The following CERKL variants were observed in gnomAD, a reference collection of about 807,000 sequenced individuals.
CERKL encodes ceramide kinase-like protein.
In CERKL, 61 loss-of-function variants were observed where a neutral mutation model predicts 63.4. The observed-to-expected ratio is 0.96, with a 90% confidence interval of 0.78 to 1.19. The LOEUF (loss-of-function observed/expected upper bound fraction) is 1.19. Ranked by LOEUF, CERKL falls within the 50% of genes most tolerant of loss-of-function variation. The probability of loss-of-function intolerance (pLI) is 0.00; values close to 1 mark genes in which losing one functional copy is unlikely to be tolerated. For missense variants in CERKL, 675 were observed against 655.5 expected, an observed-to-expected ratio of 1.03 and a Z score of -0.33; for synonymous variants, 250 against 230.5, an observed-to-expected ratio of 1.08 and a Z score of -0.77.
At chr2:181,574,740 G>C (rs143434505) in intron 2 of CERKL, among the ~76,000 whole-genome samples, 1 of 152,146 alleles carries the variant, frequency 6.6e-6, no homozygotes, top group African/African-American at 2.4e-5. Flanking sequence ...TAAACAAGCA[G>C]TTATTAACAT....
intron 2 of CERKL, among the ~76,000 whole-genome samples, chr2:181,584,377 T>C (rs1684669144): frequency 6.6e-6 from 1 of 151,874 alleles, no homozygotes; most frequent in Non-Finnish European, 1.5e-5. Context: ...CTGGATACAG[T>C]GGCATATGCC....
chr2:181,597,817 C>A (rs1226282950), intron 2 of CERKL, among the ~76,000 whole-genome samples: 1 of 152,148 alleles, frequency 6.6e-6, no homozygotes, highest in African/African-American at 2.4e-5. Flanking sequence ...CCTGTTCTGA[C>A]TTTGAAAAGC....
intron 5 of CERKL, among the ~76,000 whole-genome samples, chr2:181,553,613 C>A (rs944016644): frequency 3.3e-5 from 5 of 152,096 alleles, no homozygotes; most frequent in Non-Finnish European, 1.5e-5. Context: ...CTAGAGATGG[C>A]TTTAAAAATT....
rs11687085 is a variant in CERKL, at chr2:181,577,957, G to A, written c.482-4073C>T. ...AGTCCTGGAATCTGAACCTACATCT[G>A]TCTGACATGGCTATACTTTTCACCA... is the stretch of plus-strand genomic sequence containing the variant. On this transcript the variant is annotated intron_variant, in intron 2 of 12. Coordinates refer to ENST00000410087, the MANE Select transcript of CERKL (RefSeq NM_201548.5). 3.9e-3 allele frequency among the ~76,000 whole-genome samples: 594 copies of A among 152,210 alleles called. 3 individuals are homozygous for A. The highest frequency in any genetic ancestry group is 5.5e-3 in the Non-Finnish European group (374 of 68,012).
At chr2:181,562,893 C>G (rs1029275550) in intron 4 of CERKL, among the ~76,000 whole-genome samples, 1 of 151,864 alleles carries the variant, frequency 6.6e-6, no homozygotes, top group African/African-American at 2.4e-5. Flanking sequence ...TATGTTCAAT[C>G]TGATAAAATG....
At chr2:181,572,285 A>C (rs1688935897) in intron 3 of CERKL, among the ~76,000 whole-genome samples, 1 of 152,200 alleles carries the variant, frequency 6.6e-6, no homozygotes. Context: ...CCCAGTTATA[A>C]TGGTTTTAAG....
chr2:181,582,622 G>A (rs747905686), intron 2 of CERKL, among the ~76,000 whole-genome samples: 122 of 150,074 alleles, frequency 8.1e-4, no homozygotes, highest in Non-Finnish European at 1.4e-3. Context: ...TCCAACCTCC[G>A]CCCCCTGGGT....
intron 1 of CERKL, among the ~76,000 whole-genome samples, chr2:181,625,824 A>G (rs1686675279): frequency 6.6e-6 from 1 of 152,244 alleles, no homozygotes; most frequent in Non-Finnish European, 1.5e-5. Context: ...GGAGTTAGAG[A>G]AACAGGGGCA....
At chr2:181,619,326 C>CTT (rs34572026) in intron 1 of CERKL, among the ~76,000 whole-genome samples, 1,669 of 146,454 alleles carry the variant, frequency 0.011, 27 homozygotes, top group African/African-American at 0.039. Context: ...AAAACCTAGT[C>CTT]TTTTTTTTTT....
intron 3 of CERKL, among the ~76,000 whole-genome samples, chr2:181,571,671 T>C (rs950619549): frequency 2.0e-5 from 3 of 152,132 alleles, no homozygotes; most frequent in South Asian, 4.1e-4. Context: ...ATACCTCCTG[T>C]AGTATACATT....
At chr2:181,556,154 A>C (rs1157964442) in intron 5 of CERKL, among the ~76,000 whole-genome samples, 10 of 151,994 alleles carry the variant, frequency 6.6e-5, no homozygotes, top group Non-Finnish European at 1.3e-4. Flanking sequence ...CTTACCCTTA[A>C]TGTCTGCTCT....
intron 1 of CERKL, among the ~76,000 whole-genome samples, chr2:181,610,186 A>G (rs1201082279): frequency 6.6e-6 from 1 of 152,224 alleles, no homozygotes; most frequent in African/African-American, 2.4e-5. Context: ...AAAGTACATA[A>G]AAGACCCAAG....
chr2:181,604,685 C>A (rs1685604827), intron 1 of CERKL, among the ~76,000 whole-genome samples: 2 of 152,130 alleles, frequency 1.3e-5, no homozygotes, highest in East Asian at 3.8e-4. Flanking sequence ...AATTCACTAA[C>A]AGAAGTGACT....
intron 2 of CERKL, among the ~76,000 whole-genome samples, chr2:181,592,245 T>C (rs959005475): frequency 4.6e-5 from 7 of 152,192 alleles, no homozygotes; most frequent in Non-Finnish European, 1.0e-4. Context: ...ACATTTTAAA[T>C]GTTTCTCTCA....
chr2:181,612,560 C>T (rs1686010969), intron 1 of CERKL, among the ~76,000 whole-genome samples: 1 of 151,802 alleles, frequency 6.6e-6, no homozygotes, highest in Non-Finnish European at 1.5e-5. Context: ...TTAGATTTAT[C>T]CACAGTGTTC....
chr2:181,566,053 C>A lies in CERKL; in HGVS notation c.677+5G>T, dbSNP rs1197602594. The stretch of plus-strand genomic sequence containing the variant: ...TAACATATATTGATTAATAATATAA[C>A]CTACCCATCAAATCCCTGGAGTTCA... On this transcript the variant is annotated splice_donor_5th_base_variant and intron_variant, in intron 4 of 12. Transcript: ENST00000410087. 6.3e-7 allele frequency: 1 copy of A among 1,575,580 alleles called. No individual in the cohort carries two copies. The highest frequency in any genetic ancestry group is 8.7e-7 in the Non-Finnish European group (1 of 1,145,768).
chr2:181,606,750 T>C (rs1036020203), intron 1 of CERKL, among the ~76,000 whole-genome samples: 1 of 152,100 alleles, frequency 6.6e-6, no homozygotes. Context: ...CCTCAAAGTA[T>C]CAATTCAACA....
chr2:181,553,187 T>C (rs1036589899), intron 5 of CERKL, among the ~76,000 whole-genome samples: 2 of 152,150 alleles, frequency 1.3e-5, no homozygotes, highest in South Asian at 4.1e-4. Context: ...TGTTACTCAG[T>C]GGATCTTTAT....
intron 2 of CERKL, among the ~76,000 whole-genome samples, chr2:181,584,450 T>G (rs2105865204): frequency 6.6e-6 from 1 of 152,114 alleles, no homozygotes; most frequent in Non-Finnish European, 1.5e-5. Context: ...AGTCTGAGGC[T>G]TCCATGAGCT....
Sources: gnomAD v4.1 joint callset for allele counts (sites outside exome capture counted in the v4.1 genomes callset) on GRCh38, gnomAD v4.1.1 for gene constraint, MANE v1.5 for transcripts, NCBI Gene and HGNC (gene_info 2026-07-23, HGNC 2026-07-21) for gene names.